Variants in SLAIN2 observed in about 807,000 individuals in gnomAD.
SLAIN2 encodes SLAIN motif-containing protein 2.
In SLAIN2, 31 loss-of-function variants were observed where a neutral mutation model predicts 56.6. The observed-to-expected ratio is 0.55, with a 90% CI of 0.41 to 0.74. The LOEUF (loss-of-function observed/expected upper bound fraction) is 0.74, where lower values mean the gene tolerates loss of function less well. Ranked by LOEUF, SLAIN2 falls within the 30% of genes least tolerant of loss-of-function variation. The pLI, the probability that SLAIN2 is intolerant of heterozygous loss-of-function variation, is 0.00. For missense variants in SLAIN2, 777 were observed against 754.2 expected (o/e 1.03, Z -0.35); for synonymous variants, 317 against 284.9 (o/e 1.11, Z -1.13).
At chr4:48,365,570 T>C (rs561572245) in intron 1 of SLAIN2, among the ~76,000 whole-genome samples, 1 of 152,230 alleles carries the variant, frequency 6.6e-6, no homozygotes, top group African/African-American at 2.4e-5. Flanking sequence ...TATTTATTTT[T>C]ATTTTTTTGA....
chr4:48,374,240 C>G (rs1715744630), intron 2 of SLAIN2, among the ~76,000 whole-genome samples: 1 of 151,936 alleles, frequency 6.6e-6, no homozygotes, highest in African/African-American at 2.4e-5. Context: ...GGACTTTATT[C>G]TTTTTCTTTT....
intron 6 of SLAIN2, among the ~76,000 whole-genome samples, chr4:48,390,940 G>C (rs776519018): frequency 4.6e-5 from 7 of 152,114 alleles, no homozygotes; most frequent in Non-Finnish European, 1.0e-4. Flanking sequence ...TCAGCATAAG[G>C]ATAAGTTCAG....
intron 6 of SLAIN2, among the ~76,000 whole-genome samples, chr4:48,404,993 A>AT (rs530678273): frequency 4.4e-4 from 67 of 152,264 alleles, no homozygotes; most frequent in African/African-American, 1.6e-3. Flanking sequence ...ATTTCTCTCC[A>AT]TATCTTGATG....
At chr4:48,357,833 G>T (rs1316347793) in intron 1 of SLAIN2, among the ~76,000 whole-genome samples, 1 of 152,112 alleles carries the variant, frequency 6.6e-6, no homozygotes, top group Non-Finnish European at 1.5e-5. Context: ...GGGATTACAG[G>T]CATGAGCCAC....
Position 48,341,618 on chromosome 4 carries a change from G to T in SLAIN2, c.-122G>T. ...GGGGGGACCCTGGCGGTGGGGCCTG[G>T]TCCTGCTATATGCCGGCGCCTCGGC... On this transcript the variant is annotated 5_prime_UTR_variant, in exon 1 of 8. Transcript: ENST00000264313. 1 of 1,403,928 alleles carries T rather than the reference G, an allele frequency of 7.1e-7. No individual in the cohort carries two copies. Among genetic ancestry groups the T allele is most frequent in the Non-Finnish European group, 9.3e-7 (1 of 1,071,838 alleles). 87.0% of individuals were successfully genotyped at this position (1,403,928 alleles called of 1,614,324 possible). A position where few individuals can be genotyped will look rare whatever the true frequency, so the allele number is the denominator to read the frequency against.
At chr4:48,376,913 CTTT>C (rs11347630) in intron 2 of SLAIN2, among the ~76,000 whole-genome samples, 1 of 111,742 alleles carries the variant, frequency 8.9e-6, no homozygotes, top group East Asian at 2.6e-4. Flanking sequence ...GCCCGGCCGA[CTTT>C]TTTTTTTTTT....
intron 1 of SLAIN2, among the ~76,000 whole-genome samples, chr4:48,362,095 C>T (rs563524052): frequency 9.3e-5 from 14 of 149,842 alleles, no homozygotes; most frequent in African/African-American, 3.2e-4. Context: ...ATCATGTCTG[C>T]GATTAAACAT....
At chr4:48,395,523 C>T (rs1376130358) in intron 6 of SLAIN2, among the ~76,000 whole-genome samples, 2 of 151,608 alleles carry the variant, frequency 1.3e-5, no homozygotes, top group Non-Finnish European at 2.9e-5. Flanking sequence ...TTTATTACTG[C>T]AAATGTTTTT....
intron 7 of SLAIN2, among the ~76,000 whole-genome samples, chr4:48,421,601 G>T (rs190955685): frequency 2.0e-3 from 311 of 152,214 alleles, no homozygotes; most frequent in South Asian, 7.7e-3. Context: ...TGAGTTCCAA[G>T]TATGTCTGAC....
intron 6 of SLAIN2, chr4:48,394,542 C>T (rs969563424): frequency 1.3e-6 from 2 of 1,509,500 alleles, no homozygotes; most frequent in African/African-American, 1.4e-5. Flanking sequence ...CTTGTACTTC[C>T]AGGCAAATAT....
chr4:48,363,436 C>T lies in SLAIN2; in HGVS notation c.390-6413C>T, dbSNP rs1165195848. Among the ~76,000 whole-genome samples, 3 of 58,694 alleles carry T rather than the reference C, an allele frequency of 5.1e-5. 1 individual carries two copies. The highest frequency in any genetic ancestry group is 1.2e-4 in the Non-Finnish European group (3 of 24,836). The allele number at this position is 58,694 out of a possible 152,430, so 38.5% of individuals were successfully genotyped here. ...CTCCCGGACGGGGCGGCTGGCCGGG[C>T]GGGGGGCTGACACCCCCACCTACCT... is the stretch of plus-strand genomic sequence containing the variant. On this transcript the variant is annotated intron_variant, in intron 1 of 7. Transcript: ENST00000264313.
chr4:48,360,086 G>A (rs1400904795), intron 1 of SLAIN2, among the ~76,000 whole-genome samples: 3 of 151,666 alleles, frequency 2.0e-5, no homozygotes, highest in Non-Finnish European at 2.9e-5. Flanking sequence ...CCTGGGAGGC[G>A]GAGGTTGCAG....
Position 48,425,902 on chromosome 4 carries a change from C to T in SLAIN2, c.*3825C>T, listed in dbSNP as rs1186122095. 6.6e-6 allele frequency: 1 copy of T among 152,138 alleles called. No homozygotes were observed. Among genetic ancestry groups the T allele is most frequent in the Non-Finnish European group, 1.5e-5 (1 of 68,030 alleles). The allele number at this position is 152,138 out of a possible 1,614,324, so 9.4% of individuals were successfully genotyped here. On this transcript the variant is annotated 3_prime_UTR_variant, in exon 8 of 8. Coordinates refer to ENST00000264313, the MANE Select transcript of SLAIN2 (RefSeq NM_020846.2). ...TACAAACTGGTTAAAACTATGTTAA[C>T]TGAATGCTAGTTTGAAACAAATTAT...
In SLAIN2 at chr4:48,422,013, C is replaced by T. The variant is rs1361035871; in HGVS notation, c.1682C>T (p.Ser561Phe). ...ATTACAAAATTGCTTTATTACAGAT[C>T]CTTGCCAGCTCCTAAAACCTATGGT... Reference protein sequence around the residue: ...RSKLAQPVRRSLPAPKTYGSM... With the variant: ...RSKLAQPVRRFLPAPKTYGSM... The change falls in exon 8 of 8, where the codon TCC becomes TTC. Residue 561 changes from serine to phenylalanine, a missense_variant and splice_region_variant. Ser to Phe is a radical substitution (Grantham distance 155). Transcript: ENST00000264313. 6.2e-7 allele frequency: 1 copy of T among 1,607,406 alleles called. No individual in the cohort carries two copies. Among genetic ancestry groups the T allele is most frequent in the East Asian group, 2.2e-5 (1 of 44,656 alleles).
intron 6 of SLAIN2, among the ~76,000 whole-genome samples, chr4:48,390,049 G>A (rs1306788037): frequency 6.6e-6 from 1 of 151,550 alleles, no homozygotes; most frequent in Non-Finnish European, 1.5e-5. Context: ...AGGGTGATGA[G>A]ATCTGGATGA....
intron 6 of SLAIN2, among the ~76,000 whole-genome samples, chr4:48,411,373 T>G (rs1716842080): frequency 6.6e-6 from 1 of 152,120 alleles, no homozygotes; most frequent in Admixed American, 6.5e-5. Flanking sequence ...AAACAAACAC[T>G]CCTATGTTTT....
At chr4:48,404,628 C>G (rs1490204582) in intron 6 of SLAIN2, among the ~76,000 whole-genome samples, 1 of 152,196 alleles carries the variant, frequency 6.6e-6, no homozygotes, top group Non-Finnish European at 1.5e-5. Flanking sequence ...AACACACATT[C>G]CTGTTAGACC....
rs112458240 is a variant in SLAIN2, at chr4:48,354,580, C to T, written c.389+12452C>T. Among the ~76,000 whole-genome samples, 7 of 152,184 alleles carry T rather than the reference C, an allele frequency of 4.6e-5. 1 individual carries two copies. The highest frequency in any genetic ancestry group is 1.4e-4 in the African/African-American group (6 of 41,516). The stretch of plus-strand genomic sequence containing the variant: ...AGCCCGGGTTCAAGCGATTCTCCTG[C>T]CTCAGCCTCCCGAGTAGCTGGGATT... On this transcript the variant is annotated intron_variant, in intron 1 of 7. Transcript: ENST00000264313.
chr4:48,392,024 G>T (rs1264070242), intron 6 of SLAIN2, among the ~76,000 whole-genome samples: 1 of 152,014 alleles, frequency 6.6e-6, no homozygotes, highest in Non-Finnish European at 1.5e-5. Context: ...AAATATTTTC[G>T]AACAGCCAAC....
Sources: gnomAD v4.1 joint callset for allele counts (sites outside exome capture counted in the v4.1 genomes callset) on GRCh38, gnomAD v4.1.1 for gene constraint, MANE v1.5 for transcripts, NCBI Gene and HGNC (gene_info 2026-07-23, HGNC 2026-07-21) for gene names.